The following ERG variants were observed in gnomAD, a reference collection of about 807,000 sequenced individuals.
ERG encodes the protein transcriptional regulator ERG.
A neutral mutation model predicts 55.3 loss-of-function variants in ERG; 9 were observed. The observed-to-expected ratio is 0.16, with a 90% CI of 0.10 to 0.28. The LOEUF (loss-of-function observed/expected upper bound fraction) is 0.28. Among genes scored for constraint, ERG ranks in the 10% least tolerant of loss-of-function variants. ERG has a pLI of 1.00. For missense variants in ERG, 434 were observed against 631.6 expected (o/e 0.69, Z 3.35); for synonymous variants, 223 against 237.3 (o/e 0.94, Z 0.55).
At chr21:38,507,992 CACACATGCACACACACAGAGACACACAA>C (rs1568866259) in intron 2 of ERG, among the ~76,000 whole-genome samples, 3 of 150,742 alleles carry the variant, frequency 2.0e-5, no homozygotes, top group South Asian at 2.1e-4. Flanking sequence ...CACAGACACA[CACACATGCACACACACAGAGACACACAA>C]ACACACATGC....
intron 1 of ERG, among the ~76,000 whole-genome samples, chr21:38,613,220 A>T (rs1476835594): frequency 6.6e-6 from 1 of 152,268 alleles, no homozygotes; most frequent in Non-Finnish European, 1.5e-5. Flanking sequence ...TAGACCAAGC[A>T]GTTTCACTGC....
intron 1 of ERG, among the ~76,000 whole-genome samples, chr21:38,493,863 G>A (rs1415724043): frequency 6.6e-6 from 1 of 152,212 alleles, no homozygotes; most frequent in Non-Finnish European, 1.5e-5. Context: ...GGTGTGGGAG[G>A]CCGCACATCA....
At chr21:38,459,400 G>A (rs2059020240) in intron 1 of ERG, among the ~76,000 whole-genome samples, 1 of 152,226 alleles carries the variant, frequency 6.6e-6, no homozygotes, top group African/African-American at 2.4e-5. Context: ...TGAAAGTAGT[G>A]TCTGATTCCC....
intron 1 of ERG, among the ~76,000 whole-genome samples, chr21:38,596,062 G>C (rs1331746782): frequency 6.6e-6 from 1 of 151,124 alleles, no homozygotes; most frequent in Admixed American, 6.6e-5. Context: ...GGATTGGGGG[G>C]GGGGGGTCTC....
intron 2 of ERG, among the ~76,000 whole-genome samples, chr21:38,545,579 C>T (rs1184753475): frequency 6.6e-6 from 1 of 152,194 alleles, no homozygotes; most frequent in Non-Finnish European, 1.5e-5. Flanking sequence ...CATCTCTTGA[C>T]TCCACTTAAG....
intron 2 of ERG, among the ~76,000 whole-genome samples, chr21:38,526,662 C>T (rs2059632425): frequency 6.6e-6 from 1 of 151,778 alleles, no homozygotes; most frequent in Admixed American, 6.6e-5. Context: ...AAGGCTAATC[C>T]CCCAAAATGT....
intron 1 of ERG, among the ~76,000 whole-genome samples, chr21:38,653,557 A>C (rs1443369708): frequency 6.6e-6 from 1 of 152,190 alleles, no homozygotes. Context: ...TCTTCAGCTA[A>C]ACTTAGCTAT....
At chr21:38,535,272 A>G (rs1475877) in intron 2 of ERG, among the ~76,000 whole-genome samples, 105,934 of 151,966 alleles carry the variant, frequency 0.7, 36,986 homozygotes, top group Middle Eastern at 0.79. Flanking sequence ...AAAAGGTGGG[A>G]GCATGCAGAA....
intron 2 of ERG, among the ~76,000 whole-genome samples, chr21:38,427,264 G>T (rs13048984): frequency 6.6e-6 from 1 of 151,866 alleles, no homozygotes; most frequent in African/African-American, 2.4e-5. Context: ...TAGTAGAGAC[G>T]GGGTTTCACC....
At chr21:38,618,111 A>G (rs1322111637) in intron 1 of ERG, among the ~76,000 whole-genome samples, 1 of 152,216 alleles carries the variant, frequency 6.6e-6, no homozygotes, top group African/African-American at 2.4e-5. Context: ...GACCATCAAC[A>G]GTAGGATCAG....
At position 38,460,072 on chromosome 21, in the gene ERG, C is replaced by T. The variant is rs987390434; in HGVS notation, c.19-14451G>A. Among the ~76,000 whole-genome samples, 9 of 152,220 alleles carry T rather than the reference C, an allele frequency of 5.9e-5. No homozygotes were observed. Among genetic ancestry groups the T allele is most frequent in the East Asian group, 1.9e-4 (1 of 5,184 alleles). The stretch of plus-strand genomic sequence containing the variant: ...TGGCCAGGGTGGTCCTGAGAAAACG[C>T]GAAGGAGGGGAGGGTGTGAGCCCCC... On this transcript the variant is annotated intron_variant, in intron 1 of 9. Coordinates refer to ENST00000288319, the MANE Select transcript of ERG (RefSeq NM_182918.4). This position sits in a 1 kb window ranked among gnomAD's most constrained non-coding sequence, Gnocchi z 5.0.
chr21:38,626,813 A>T (rs751179358), intron 1 of ERG, among the ~76,000 whole-genome samples: 23 of 152,144 alleles, frequency 1.5e-4, no homozygotes, highest in Admixed American at 2.6e-4. Flanking sequence ...AGAAAAACAT[A>T]TATCTTTTTT....
At chr21:38,406,565 C>A (rs1452364110) in intron 3 of ERG, among the ~76,000 whole-genome samples, 1 of 152,130 alleles carries the variant, frequency 6.6e-6, no homozygotes, top group African/African-American at 2.4e-5. Context: ...CCCATCCTAC[C>A]CAAGTCATTC....
In ERG at chr21:38,624,152, T is replaced by G. The variant is rs371250173; in HGVS notation, c.-150+37506A>C. On this transcript the variant is annotated intron_variant, in intron 1 of 10. Transcript: ENST00000398910. ...CTACTTTCTAGATCATCCCTGGCCA[T>G]GCTCCACCACCCATCCCATGATCCA... 3.1e-4 allele frequency among the ~76,000 whole-genome samples: 47 copies of G among 152,234 alleles called. No individual in the cohort carries two copies. In the East Asian group the frequency reaches 8.3e-3, roughly 27 times the overall value.
At chr21:38,610,727 G>A (rs2146927931) in intron 1 of ERG, among the ~76,000 whole-genome samples, 1 of 152,278 alleles carries the variant, frequency 6.6e-6, no homozygotes. Context: ...CCTCCTTCCT[G>A]TGACCACATG....
At chr21:38,422,496 T>C (rs922816497) in intron 3 of ERG, among the ~76,000 whole-genome samples, 6 of 152,332 alleles carry the variant, frequency 3.9e-5, no homozygotes, top group African/African-American at 1.2e-4. Context: ...AAGATGTCCA[T>C]TTGCAAAGAT....
intron 1 of ERG, among the ~76,000 whole-genome samples, chr21:38,483,992 A>G (rs931542606): frequency 1.3e-5 from 2 of 152,254 alleles, no homozygotes; most frequent in African/African-American, 2.4e-5. Flanking sequence ...TTCATTTATG[A>G]AATGGACATT....
chr21:38,440,999 T>C (rs1032747596), intron 2 of ERG, among the ~76,000 whole-genome samples: 1 of 152,142 alleles, frequency 6.6e-6, no homozygotes, highest in African/African-American at 2.4e-5. Context: ...ACTCACCACT[T>C]ATGTTTCAAT....
chr21:38,469,002 GAAAAAAAA>G (rs796522125), intron 1 of ERG, among the ~76,000 whole-genome samples: 1 of 62,098 alleles, frequency 1.6e-5, no homozygotes, highest in African/African-American at 4.4e-5. Flanking sequence ...AAAAAAAAAA[GAAAAAAAA>G]AAAAGAAAAT....
Sources: allele counts gnomAD v4.1 joint callset (sites outside exome capture counted in the v4.1 genomes callset), GRCh38; gene constraint gnomAD v4.1.1; non-coding constraint Gnocchi (gnomAD v3.1); transcripts MANE v1.5; gene names NCBI Gene and HGNC (gene_info 2026-07-23, HGNC 2026-07-21).